Variants in SCD5 observed in about 807,000 individuals in gnomAD.
SCD5 encodes the protein stearoyl-CoA desaturase 5.
SCD5 carries 20 observed loss-of-function variants against 30.4 expected under a neutral mutation model. That is an observed-to-expected ratio of 0.66 (90% CI 0.46 to 0.96). SCD5 has a LOEUF of 0.96. Among genes scored for constraint, SCD5 ranks in the 40% least tolerant of loss-of-function variants. The pLI is 0.00. For synonymous variants in SCD5, 173 were observed against 176.4 expected (o/e 0.98, Z 0.16); for missense variants, 381 against 443.3 (o/e 0.86, Z 1.26).
intron 1 of SCD5, among the ~76,000 whole-genome samples, chr4:82,706,261 T>C (rs146712817): frequency 1.3e-5 from 2 of 152,334 alleles, no homozygotes; most frequent in African/African-American, 4.8e-5. Context: ...AAATTCAATG[T>C]GATTCTATTC....
intron 3 of SCD5, among the ~76,000 whole-genome samples, chr4:82,641,978 A>G (rs1457360130): frequency 7.2e-5 from 11 of 152,124 alleles, no homozygotes; most frequent in Admixed American, 2.0e-4. Flanking sequence ...GATGCCCAAT[A>G]TACATCCAAA....
At chr4:82,659,196 TTTA>T (rs1487585897) in intron 3 of SCD5, among the ~76,000 whole-genome samples, 1 of 152,072 alleles carries the variant, frequency 6.6e-6, no homozygotes, top group African/African-American at 2.4e-5. Flanking sequence ...TTTATCATTT[TTTA>T]TTGTGTCTAT....
intron 1 of SCD5, among the ~76,000 whole-genome samples, chr4:82,767,142 C>T (rs945973523): frequency 1.3e-5 from 2 of 152,144 alleles, no homozygotes; most frequent in Non-Finnish European, 2.9e-5. Context: ...CTTTCCCTGA[C>T]ATTGGGCAGT....
At chr4:82,703,139 G>A (rs752917786) in intron 2 of SCD5, among the ~76,000 whole-genome samples, 2 of 152,176 alleles carry the variant, frequency 1.3e-5, no homozygotes, top group African/African-American at 2.4e-5. Context: ...TGCCTTCTCA[G>A]TGTCTGCCAC....
chr4:82,680,029 A>G (rs539895363), intron 3 of SCD5, among the ~76,000 whole-genome samples: 57 of 152,324 alleles, frequency 3.7e-4, no homozygotes, highest in African/African-American at 1.3e-3. Flanking sequence ...CAAATTTTGC[A>G]GACCCAGACC....
intron 4 of SCD5, among the ~76,000 whole-genome samples, chr4:82,635,554 G>A (rs1354764672): frequency 6.7e-6 from 1 of 148,296 alleles, no homozygotes; most frequent in Non-Finnish European, 1.5e-5. Flanking sequence ...CTGGGAGGCA[G>A]AGCTTGCAGT....
chr4:82,747,073 C>CCCCCG (rs770301783), intron 1 of SCD5, among the ~76,000 whole-genome samples: 5 of 149,578 alleles, frequency 3.3e-5, no homozygotes, highest in East Asian at 2.0e-4. Context: ...CAACCTGCCC[C>CCCCCG]CCAAGAAAGA....
In SCD5 at chr4:82,798,711, G is replaced by T. The variant is rs1436718583; in HGVS notation, c.-174C>A. The T allele has an allele frequency of 1.6e-6, 1 of 610,104 alleles. No individual in the cohort carries two copies. The allele number at this position is 610,104 out of a possible 1,614,324, so 37.8% of individuals were successfully genotyped here. On this transcript the variant is annotated 5_prime_UTR_variant, in exon 1 of 5. Transcript: ENST00000319540. ...CTGCGCTCTTCCCCAGGGTCTTAGC[G>T]TGGCCTAGGGATGCAGATCTTGGCG...
chr4:82,753,314 G>A, intron 1 of SCD5: 2 of 524,928 alleles, frequency 3.8e-6, no homozygotes, highest in Non-Finnish European at 3.9e-6. Flanking sequence ...TGGGGTGGGG[G>A]TGGGGGGTTC....
chr4:82,683,525 T>A (rs376591218), intron 2 of SCD5, among the ~76,000 whole-genome samples: 4 of 152,200 alleles, frequency 2.6e-5, no homozygotes, highest in African/African-American at 9.6e-5. Flanking sequence ...CACATTTCCA[T>A]CAACAAAATA....
intron 2 of SCD5, among the ~76,000 whole-genome samples, chr4:82,704,841 G>A (rs976234298): frequency 1.3e-5 from 2 of 152,212 alleles, no homozygotes; most frequent in Non-Finnish European, 2.9e-5. Context: ...TTAGGCATAT[G>A]ATTTGGGCAG....
At chr4:82,633,326 A>G (rs1294798037) in intron 4 of SCD5, among the ~76,000 whole-genome samples, 1 of 152,174 alleles carries the variant, frequency 6.6e-6, no homozygotes, top group African/African-American at 2.4e-5. Flanking sequence ...CTCTTTTTTA[A>G]GGCTGAATAG....
At chr4:82,744,775 A>G (rs933565760) in intron 1 of SCD5, among the ~76,000 whole-genome samples, 3 of 152,044 alleles carry the variant, frequency 2.0e-5, no homozygotes, top group East Asian at 1.9e-4. Flanking sequence ...AAGTTATTGC[A>G]TAATCATAGA....
intron 3 of SCD5, among the ~76,000 whole-genome samples, chr4:82,680,231 A>G (rs1189372749): frequency 6.6e-6 from 1 of 152,182 alleles, no homozygotes; most frequent in African/African-American, 2.4e-5. Flanking sequence ...GAAACCTACT[A>G]GTGTAACGTT....
At chr4:82,792,733 A>G (rs941246792) in intron 1 of SCD5, among the ~76,000 whole-genome samples, 1 of 152,224 alleles carries the variant, frequency 6.6e-6, no homozygotes, top group African/African-American at 2.4e-5. Flanking sequence ...AAGAAAATAC[A>G]TATGCCCAAA....
At chr4:82,690,958 A>G (rs1176518754) in intron 2 of SCD5, among the ~76,000 whole-genome samples, 1 of 152,240 alleles carries the variant, frequency 6.6e-6, no homozygotes, top group Non-Finnish European at 1.5e-5. Flanking sequence ...CTGTGAAGCC[A>G]ATAAAGGAGC....
At chr4:82,781,755 C>A (rs1436078384) in intron 1 of SCD5, among the ~76,000 whole-genome samples, 3 of 152,184 alleles carry the variant, frequency 2.0e-5, no homozygotes, top group Admixed American at 6.5e-5. Context: ...GATGATGCAA[C>A]AAGAAGGCCC....
At chr4:82,664,985 C>G (rs1473810717) in intron 3 of SCD5, among the ~76,000 whole-genome samples, 2 of 109,342 alleles carry the variant, frequency 1.8e-5, no homozygotes, top group Non-Finnish European at 3.4e-5. Flanking sequence ...CTCTCTCTCT[C>G]TCTCTCTCTC....
chr4:82,727,458 G>T (rs1254801922), intron 1 of SCD5, among the ~76,000 whole-genome samples: 1 of 152,186 alleles, frequency 6.6e-6, no homozygotes, highest in African/African-American at 2.4e-5. Context: ...CAAATCAGAG[G>T]TTATGGTCCA....
Sources: gnomAD v4.1 joint callset for allele counts (sites outside exome capture counted in the v4.1 genomes callset) on GRCh38, gnomAD v4.1.1 for gene constraint, MANE v1.5 for transcripts, NCBI Gene and HGNC (gene_info 2026-07-23, HGNC 2026-07-21) for gene names.